Variants in ASB3 observed in about 807,000 individuals in gnomAD.
ASB3 encodes the protein ankyrin repeat and SOCS box containing 3.
In ASB3, 41 loss-of-function variants were observed where a neutral mutation model predicts 54.5. The ratio of observed to expected loss-of-function variants is 0.75; its 90% CI spans 0.59 to 0.98. The LOEUF is 0.98. Among genes scored for constraint, ASB3 ranks in the 50% least tolerant of loss-of-function variants. The probability of loss-of-function intolerance (pLI) is 0.00; values close to 1 mark genes in which losing one functional copy is unlikely to be tolerated. For synonymous variants in ASB3, 266 were observed against 221.2 expected (o/e 1.20, Z -1.80); for missense variants, 733 against 620.0 (o/e 1.18, Z -1.94).
intron 9 of ASB3, among the ~76,000 whole-genome samples, chr2:53,680,300 G>A (rs1481897121): frequency 6.6e-6 from 1 of 152,138 alleles, no homozygotes; most frequent in Admixed American, 6.5e-5. Context: ...TCTGCTTTTA[G>A]GTCTTTGAGG....
chr2:53,704,488 G>C (rs10198890), intron 7 of ASB3, among the ~76,000 whole-genome samples: 2,494 of 152,052 alleles, frequency 0.016, 71 homozygotes, highest in African/African-American at 0.057. Context: ...TGTGATTGTA[G>C]GCAATCCAAA....
intron 7 of ASB3, among the ~76,000 whole-genome samples, chr2:53,711,055 AG>A (rs1670067678): frequency 6.6e-6 from 1 of 152,162 alleles, no homozygotes; most frequent in South Asian, 2.1e-4. Flanking sequence ...GCCTGAGCCC[AG>A]GGAAGTCGAG....
intron 9 of ASB3, 46 bp from the exon 10 acceptor site, chr2:53,670,736 A>G: frequency 6.4e-7 from 1 of 1,567,696 alleles, no homozygotes; most frequent in Non-Finnish European, 8.6e-7. Flanking sequence ...AAACAGAAAG[A>G]TGTAATAGCA....
At chr2:53,772,673 G>T (rs1032647448) in intron 1 of ASB3, among the ~76,000 whole-genome samples, 1 of 151,742 alleles carries the variant, frequency 6.6e-6, no homozygotes, top group Admixed American at 6.6e-5. Flanking sequence ...TTGCTTAATT[G>T]TATCAATAGC....
intron 3 of ASB3, among the ~76,000 whole-genome samples, chr2:53,740,805 C>A (rs1247008683): frequency 6.6e-6 from 1 of 152,092 alleles, no homozygotes; most frequent in African/African-American, 2.4e-5. Flanking sequence ...ACATCAGAGA[C>A]CATATCCAGA....
chr2:53,716,796 C>T, intron 5 of ASB3, 53 bp from the exon 6 acceptor site: 1 of 1,513,344 alleles, frequency 6.6e-7, no homozygotes, highest in African/African-American at 1.4e-5. Flanking sequence ...TTAAAAAAAT[C>T]AACACAAATT....
intron 2 of ASB3, among the ~76,000 whole-genome samples, chr2:53,754,493 T>C (rs776406899): frequency 7.9e-5 from 12 of 152,232 alleles, no homozygotes; most frequent in Non-Finnish European, 1.8e-4. Flanking sequence ...GTCAATTTAC[T>C]ACTAACTTGA....
intron 7 of ASB3, among the ~76,000 whole-genome samples, chr2:53,707,830 C>T (rs1669870667): frequency 6.6e-6 from 1 of 151,492 alleles, no homozygotes; most frequent in African/African-American, 2.4e-5. Flanking sequence ...GGTATGGTGT[C>T]ACATACCTGT....
rs569434061 is a variant in ASB3 at position 53,764,817 on chromosome 2, C to A, written c.196+560G>T. Among the ~76,000 whole-genome samples, 4 of 152,290 alleles carry A rather than the reference C, an allele frequency of 2.6e-5. No homozygotes were observed. The South Asian group carries it at 8.3e-4, about 32-fold the overall frequency. On this transcript the variant is annotated intron_variant, in intron 2 of 9. Coordinates refer to ENST00000263634, the MANE Select transcript of ASB3 (RefSeq NM_016115.5). Reference sequence around the variant, plus strand: ...TTGTCTATCCCATCTGTTTTATTATCTCTACTTTGTTTTATTTTCTTCATA... The same window carrying A: ...TTGTCTATCCCATCTGTTTTATTATATCTACTTTGTTTTATTTTCTTCATA...
intron 2 of ASB3, among the ~76,000 whole-genome samples, chr2:53,764,849 T>C (rs1419149264): frequency 6.6e-6 from 1 of 152,256 alleles, no homozygotes; most frequent in Non-Finnish European, 1.5e-5. Flanking sequence ...CATAACACTT[T>C]TACCTTTTTA....
chr2:53,782,606 T>C (rs1674711726), intron 1 of ASB3, among the ~76,000 whole-genome samples: 1 of 152,206 alleles, frequency 6.6e-6, no homozygotes, highest in Non-Finnish European at 1.5e-5. Flanking sequence ...TATTGCTCTT[T>C]TTAATTTAAC....
intron 1 of ASB3, among the ~76,000 whole-genome samples, chr2:53,780,689 G>C (rs910379241): frequency 6.6e-6 from 1 of 152,090 alleles, no homozygotes; most frequent in South Asian, 2.1e-4. Flanking sequence ...AAAGCAGAAG[G>C]ATCTCTTGAG....
At chr2:53,725,420 T>C (rs961656367) in intron 5 of ASB3, among the ~76,000 whole-genome samples, 3 of 152,136 alleles carry the variant, frequency 2.0e-5, no homozygotes, top group Non-Finnish European at 2.9e-5. Flanking sequence ...CCTGCATGCA[T>C]ACCCTCTGAA....
intron 1 of ASB3, among the ~76,000 whole-genome samples, chr2:53,783,957 G>C (rs1279894537): frequency 6.6e-6 from 1 of 152,200 alleles, no homozygotes; most frequent in Non-Finnish European, 1.5e-5. Context: ...CAGTAAACAG[G>C]TATGCAACTG....
At chr2:53,711,212 A>T (rs1324116455) in intron 7 of ASB3, among the ~76,000 whole-genome samples, 1 of 152,214 alleles carries the variant, frequency 6.6e-6, no homozygotes, top group East Asian at 1.9e-4. Flanking sequence ...GCAAATTCAT[A>T]TGCACAATTA....
chr2:53,699,363 T>G (rs754325136), intron 8 of ASB3, among the ~76,000 whole-genome samples: 16 of 152,226 alleles, frequency 1.1e-4, no homozygotes, highest in Non-Finnish European at 2.1e-4. Flanking sequence ...AGACAGTTTC[T>G]ATGTTTTGGT....
chr2:53,752,748 T>G (rs1015342979), intron 2 of ASB3, among the ~76,000 whole-genome samples: 2 of 152,196 alleles, frequency 1.3e-5, no homozygotes, highest in African/African-American at 2.4e-5. Flanking sequence ...TACTATATAT[T>G]AAACCATGTC....
intron 3 of ASB3, among the ~76,000 whole-genome samples, chr2:53,747,572 G>A (rs1290251068): frequency 1.3e-5 from 2 of 152,108 alleles, no homozygotes; most frequent in Non-Finnish European, 2.9e-5. Flanking sequence ...AAAGCTCTGC[G>A]ATAAACAAAT....
intron 2 of ASB3, among the ~76,000 whole-genome samples, chr2:53,763,848 A>G (rs977903160): frequency 2.0e-5 from 3 of 152,242 alleles, no homozygotes; most frequent in Non-Finnish European, 2.9e-5. Context: ...TTCTGAAAAC[A>G]TATCTTAAGC....
Sources: allele counts gnomAD v4.1 joint callset (sites outside exome capture counted in the v4.1 genomes callset), GRCh38; gene constraint gnomAD v4.1.1; transcripts MANE v1.5; gene names NCBI Gene and HGNC (gene_info 2026-07-23, HGNC 2026-07-21).